The following TMEM120B variants were observed in gnomAD, a reference collection of about 807,000 sequenced individuals.
The protein encoded by TMEM120B is transmembrane protein 120B.
Under a neutral mutation model 55.5 loss-of-function variants are expected in TMEM120B, and 31 were observed. The ratio of observed to expected loss-of-function variants is 0.56; its 90% CI spans 0.42 to 0.75. The LOEUF is 0.75. TMEM120B is among the 30% of genes least tolerant of loss of function. The pLI is 0.00. For missense variants in TMEM120B, 399 were observed against 425.5 expected (o/e 0.94, Z 0.55); for synonymous variants, 203 against 176.3 (o/e 1.15, Z -1.20).
At chr12:121,757,405 G>A (rs1261500653) in intron 5 of TMEM120B, among the ~76,000 whole-genome samples, 9 of 151,936 alleles carry the variant, frequency 5.9e-5, no homozygotes, top group Non-Finnish European at 1.2e-4. Context: ...GCAGTGGCGC[G>A]ATCTTGGCTC....
rs1894883206 is a variant in TMEM120B, at chr12:121,726,040, A to AAC, written c.69+13077_69+13078insCA. On this transcript the variant is annotated intron_variant, in intron 1 of 11. Coordinates refer to ENST00000449592, the MANE Select transcript of TMEM120B (RefSeq NM_001080825.2). Reference sequence around the variant, plus strand: ...CAACAAGCGAGACTCTGTCTCAAAAAAAAAAAAACAAAAAAAAAACCACCT... The same window carrying AAC: ...CAACAAGCGAGACTCTGTCTCAAAAAACAAAAAAAACAAAAAAAAAACCACCT... 2.0e-5 allele frequency among the ~76,000 whole-genome samples: 3 copies of AAC among 149,924 alleles called. No homozygotes were observed. In the South Asian group the frequency reaches 6.4e-4, roughly 32 times the overall value.
intron 6 of TMEM120B, among the ~76,000 whole-genome samples, chr12:121,762,569 T>A (rs1358437906): frequency 6.6e-6 from 1 of 152,198 alleles, no homozygotes; most frequent in Non-Finnish European, 1.5e-5. Context: ...CTGGCCAGGC[T>A]GGAGCCTCAC....
At chr12:121,744,963 T>G (rs1873038557) in intron 2 of TMEM120B, among the ~76,000 whole-genome samples, 1 of 152,168 alleles carries the variant, frequency 6.6e-6, no homozygotes, top group South Asian at 2.1e-4. Flanking sequence ...GTCTAGAGTT[T>G]CTTCAGATTC....
chr12:121,740,447 T>A (rs980098489), intron 1 of TMEM120B, among the ~76,000 whole-genome samples: 1 of 151,574 alleles, frequency 6.6e-6, no homozygotes, highest in Non-Finnish European at 1.5e-5. Context: ...ATCATGCCAC[T>A]GCACTCCAGC....
chr12:121,732,936 G>C (rs895887143), intron 1 of TMEM120B, among the ~76,000 whole-genome samples: 1 of 147,912 alleles, frequency 6.8e-6, no homozygotes, highest in East Asian at 2.0e-4. Flanking sequence ...CCGAGGTCGC[G>C]CCACTGCACT....
rs771618971 is a variant in TMEM120B at position 121,779,647 on chromosome 12, C to G, written c.*3925C>G. ...AGGTAGAGAGCAGCTCGGATCTGTTCGCAGGCGCTCAGGCCCTGGGTGGGG... is the reference window on the plus strand; with the variant it reads ...AGGTAGAGAGCAGCTCGGATCTGTTGGCAGGCGCTCAGGCCCTGGGTGGGG... On this transcript the variant is annotated 3_prime_UTR_variant, in exon 12 of 12. Coordinates refer to ENST00000449592, the MANE Select transcript of TMEM120B (RefSeq NM_001080825.2). 6.2e-7 allele frequency: 1 copy of G among 1,613,964 alleles called. No individual in the cohort carries two copies. The highest frequency in any genetic ancestry group is 1.1e-5 in the South Asian group (1 of 91,064).
intron 6 of TMEM120B, among the ~76,000 whole-genome samples, chr12:121,767,480 C>G (rs1360489064): frequency 6.6e-6 from 1 of 152,150 alleles, no homozygotes; most frequent in Non-Finnish European, 1.5e-5. Flanking sequence ...GCTTTAACTT[C>G]TGTGGTGAAA....
chr12:121,714,150 C>G (rs1407436994), intron 1 of TMEM120B, among the ~76,000 whole-genome samples: 5 of 152,168 alleles, frequency 3.3e-5, no homozygotes, highest in African/African-American at 1.2e-4. Flanking sequence ...ACCTGTCCAG[C>G]ATGTGTAGGT....
At chr12:121,721,789 A>G (rs1263044536) in intron 1 of TMEM120B, among the ~76,000 whole-genome samples, 1 of 135,446 alleles carries the variant, frequency 7.4e-6, no homozygotes, top group Non-Finnish European at 1.6e-5. Context: ...TTTTTTTTGA[A>G]TGGAATCAGT....
rs186985421 is a variant in TMEM120B at position 121,717,745 on chromosome 12, C to T, written c.69+4781C>T. Among the ~76,000 whole-genome samples, 305 of 152,306 alleles carry T rather than the reference C, an allele frequency of 2.0e-3. 2 individuals carry two copies. Among genetic ancestry groups the T allele is most frequent in the Middle Eastern group, 6.8e-3 (2 of 294 alleles). On this transcript the variant is annotated intron_variant, in intron 1 of 11. Transcript: ENST00000449592. ...CGATCTCAGCTCACCACAACCTCCG[C>T]CTTCCAGGTTCAAGCGATTCTCCTG...
rs372172320 is a variant in TMEM120B at position 121,761,625 on chromosome 12, C to T, written c.462-24C>T. The T allele has an allele frequency of 2.9e-5, 46 of 1,601,284 alleles. No homozygotes were observed. In the African/African-American group the frequency reaches 3.3e-4, roughly 12 times the overall value. ...GCCTGGTTCTCACGCCCGCACCCCT[C>T]CCGGGGGCTGTTTCCTTGCACAGGG... is the stretch of plus-strand genomic sequence containing the variant. On this transcript the variant is annotated intron_variant, in intron 5 of 11. Transcript: ENST00000449592.
chr12:121,731,040 G>C lies in TMEM120B; in HGVS notation c.70-12589G>C, dbSNP rs543674594. On this transcript the variant is annotated intron_variant, in intron 1 of 11. Transcript: ENST00000449592. ...AGTAGTCAAATTCGTAGAGACAGAA[G>C]ACAGAATAGTGATTGCCAGGGGCTG... Among the ~76,000 whole-genome samples, 10 of 152,188 alleles carry C rather than the reference G, an allele frequency of 6.6e-5. No homozygotes were observed. In the South Asian group the frequency reaches 1.9e-3, roughly 28 times the overall value.
rs867240086 is a variant in TMEM120B at position 121,730,273 on chromosome 12, G to A, written c.70-13356G>A. On this transcript the variant is annotated intron_variant, in intron 1 of 11. Coordinates refer to ENST00000449592, the MANE Select transcript of TMEM120B (RefSeq NM_001080825.2). ...ACTCCATCTCAAAAAAAAAAAAAAA[G>A]AAGGAAATTCTGATACATGCCATGA... Among the ~76,000 whole-genome samples, 404 of 147,224 alleles carry A rather than the reference G, an allele frequency of 2.7e-3. 4 individuals carry two copies. Among genetic ancestry groups the A allele is most frequent in the African/African-American group, 9.6e-3 (382 of 39,948 alleles).
chr12:121,734,012 A>T lies in TMEM120B; in HGVS notation c.70-9617A>T, dbSNP rs193192381. ...AGAGATCTGAAAGTAAAATGCCTGG[A>T]ATTAAGTAGTTTCTTTGTCACATGA... On this transcript the variant is annotated intron_variant, in intron 1 of 11. Coordinates refer to ENST00000449592, the MANE Select transcript of TMEM120B (RefSeq NM_001080825.2). 1.9e-3 allele frequency among the ~76,000 whole-genome samples: 284 copies of T among 152,284 alleles called. 1 individual carries two copies. The highest frequency in any genetic ancestry group is 6.4e-3 in the African/African-American group (267 of 41,570).
intron 4 of TMEM120B, among the ~76,000 whole-genome samples, chr12:121,750,986 CCA>C (rs1441730337): frequency 8.9e-6 from 1 of 111,980 alleles, no homozygotes; most frequent in Admixed American, 8.6e-5. Flanking sequence ...CACCCACACC[CCA>C]CACCCCACAC....
intron 2 of TMEM120B, among the ~76,000 whole-genome samples, chr12:121,746,827 A>G (rs560795194): frequency 3.9e-5 from 6 of 152,060 alleles, no homozygotes; most frequent in Admixed American, 6.6e-5. Context: ...GCGTGGTGGC[A>G]GGCACCTGTA....
Position 121,766,159 on chromosome 12 carries a change from C to T in TMEM120B, c.551+4421C>T, listed in dbSNP as rs184578671. 2.6e-3 allele frequency among the ~76,000 whole-genome samples: 392 copies of T among 152,154 alleles called. 2 individuals carry two copies. The highest frequency in any genetic ancestry group is 8.6e-3 in the African/African-American group (355 of 41,510). On this transcript the variant is annotated intron_variant, in intron 6 of 11. Coordinates refer to ENST00000449592, the MANE Select transcript of TMEM120B (RefSeq NM_001080825.2). ...GCGCTTTTGTCCAGTTCTGGCTGCA[C>T]CTGAGATTTGAATTGGGACAGGAGG...
chr12:121,718,636 A>G (rs1384389396), intron 1 of TMEM120B, among the ~76,000 whole-genome samples: 1 of 152,226 alleles, frequency 6.6e-6, no homozygotes, highest in Admixed American at 6.5e-5. Context: ...TGTATAACTC[A>G]GATACTAATA....
intron 6 of TMEM120B, among the ~76,000 whole-genome samples, chr12:121,762,070 A>T (rs1873696678): frequency 6.6e-6 from 1 of 152,146 alleles, no homozygotes; most frequent in Non-Finnish European, 1.5e-5. Context: ...AGGGGGGCAG[A>T]TCACGAGGTC....
Sources: gnomAD v4.1 joint callset for allele counts (sites outside exome capture counted in the v4.1 genomes callset) on GRCh38, gnomAD v4.1.1 for gene constraint, MANE v1.5 for transcripts, NCBI Gene and HGNC (gene_info 2026-07-23, HGNC 2026-07-21) for gene names.